The following VWC2 variants were observed in gnomAD, a reference collection of about 807,000 sequenced individuals.
The protein encoded by VWC2 is von Willebrand factor C domain containing 2, also known as brorin.
A neutral mutation model predicts 29.8 loss-of-function variants in VWC2; 14 were observed. The ratio of observed to expected loss-of-function variants is 0.47; its 90% confidence interval spans 0.31 to 0.74. The LOEUF (loss-of-function observed/expected upper bound fraction) is 0.74. Ranked by LOEUF, VWC2 falls within the 30% of genes least tolerant of loss-of-function variation. The probability of loss-of-function intolerance (pLI) is 0.05; values close to 1 mark genes in which losing one functional copy is unlikely to be tolerated. For synonymous variants in VWC2, 213 were observed against 199.0 expected, an observed-to-expected ratio of 1.07 and a Z score of -0.59; for missense variants, 457 against 459.8, an observed-to-expected ratio of 0.99 and a Z score of 0.05.
chr7:49,893,896 G>GA (rs1792251942), intron 3 of VWC2, among the ~76,000 whole-genome samples: 1 of 152,172 alleles, frequency 6.6e-6, no homozygotes, highest in Non-Finnish European at 1.5e-5. Context: ...TCAGAAAATG[G>GA]AAAAAAATTA....
intron 3 of VWC2, among the ~76,000 whole-genome samples, chr7:49,854,136 C>T (rs1444134480): frequency 4.6e-5 from 7 of 152,160 alleles, no homozygotes; most frequent in Middle Eastern, 3.4e-3. Flanking sequence ...TGGGTTGGTT[C>T]CAAGTCTTTG....
intron 3 of VWC2, among the ~76,000 whole-genome samples, chr7:49,846,453 C>T (rs1194643430): frequency 6.6e-6 from 1 of 152,122 alleles, no homozygotes; most frequent in Non-Finnish European, 1.5e-5. Flanking sequence ...AAAGTTCTCC[C>T]TCACTTCCAC....
At chr7:49,890,187 A>C (rs980357165) in intron 3 of VWC2, among the ~76,000 whole-genome samples, 3 of 152,256 alleles carry the variant, frequency 2.0e-5, no homozygotes, top group Non-Finnish European at 4.4e-5. Context: ...ACAACTGCAT[A>C]AGTAGCAAAA....
chr7:49,876,865 G>T (rs141952467), intron 3 of VWC2, among the ~76,000 whole-genome samples: 4 of 151,650 alleles, frequency 2.6e-5, no homozygotes. Flanking sequence ...ATGACACAAC[G>T]CACCGAGATG....
intron 1 of VWC2, 107 bp from the exon 2 acceptor site, chr7:49,775,226 C>G: frequency 3.6e-6 from 1 of 278,352 alleles, no homozygotes; most frequent in South Asian, 1.7e-4. Flanking sequence ...CCGCCCCCGT[C>G]GCCCAGCTCG....
intron 3 of VWC2, among the ~76,000 whole-genome samples, chr7:49,871,538 C>A (rs1791147541): frequency 6.6e-6 from 1 of 151,844 alleles, no homozygotes. Flanking sequence ...TGTCTTTAAG[C>A]AGAAAAACGA....
At chr7:49,785,180 A>G (rs1788267299) in intron 2 of VWC2, among the ~76,000 whole-genome samples, 1 of 151,460 alleles carries the variant, frequency 6.6e-6, no homozygotes, top group African/African-American at 2.5e-5. Flanking sequence ...TAACAGTTGT[A>G]GACTAGATGC....
chr7:49,852,701 C>G (rs1193456768), intron 3 of VWC2, among the ~76,000 whole-genome samples: 1 of 152,134 alleles, frequency 6.6e-6, no homozygotes, highest in African/African-American at 2.4e-5. Flanking sequence ...GGGGACGGGC[C>G]TTGCTCCTAC....
Position 49,775,494 on chromosome 7 carries a change from G to A in VWC2, c.59G>A (p.Cys20Tyr). The A allele has an allele frequency of 2.6e-6, 4 of 1,561,170 alleles. No homozygotes were observed. The highest frequency in any genetic ancestry group is 3.5e-6 in the Non-Finnish European group (4 of 1,159,270). ...CTCTCCAGTTCCCTCCTGGTCACCT[G>A]CTGCCTGATGGTGGCTCTGTGCAGT... is the stretch of plus-strand genomic sequence containing the variant. ...GALSSSLLVT[C>Y]CLMVALCSPS... The change falls in exon 2 of 4, where the codon TGC (cysteine) becomes TAC (tyrosine). Residue 20 changes from cysteine (C) to tyrosine (Y), a missense_variant. Transcript: ENST00000340652.
At chr7:49,799,481 G>A (rs145950151) in intron 2 of VWC2, among the ~76,000 whole-genome samples, 196 of 152,368 alleles carry the variant, frequency 1.3e-3, no homozygotes, top group African/African-American at 4.6e-3. Context: ...GCCACTTGCT[G>A]TCACCAGCCT....
At chr7:49,875,397 A>AAAAAC (rs1791371337) in intron 3 of VWC2, among the ~76,000 whole-genome samples, 1 of 140,714 alleles carries the variant, frequency 7.1e-6, no homozygotes, top group Non-Finnish European at 1.6e-5. Flanking sequence ...AAAAAAAAAA[A>AAAAAC]CAGGAATAAA....
At position 49,920,692 on chromosome 7, in the gene VWC2, A is replaced by G. The variant is rs1265662694; in HGVS notation, c.*8507A>G. 2.0e-5 allele frequency: 3 copies of G among 150,074 alleles called. No individual in the cohort carries two copies. The highest frequency in any genetic ancestry group is 3.0e-5 in the Non-Finnish European group (2 of 67,740). The allele number at this position is 150,074 out of a possible 1,614,324, so 9.3% of individuals were successfully genotyped here. A position where few individuals can be genotyped will look rare whatever the true frequency, so the allele number is the denominator to read the frequency against. ...TAAATATAGCATGAATAAAACACAT[A>G]TGTATTTAATTGTGTTATTTACTAT... On this transcript the variant is annotated 3_prime_UTR_variant, in exon 4 of 4. Coordinates refer to ENST00000340652, the MANE Select transcript of VWC2 (RefSeq NM_198570.5).
At chr7:49,793,508 AC>A (rs1788512523) in intron 2 of VWC2, among the ~76,000 whole-genome samples, 1 of 152,158 alleles carries the variant, frequency 6.6e-6, no homozygotes. Context: ...TGTAAGCAAC[AC>A]CTGTGTGTAC....
intron 3 of VWC2, among the ~76,000 whole-genome samples, chr7:49,833,673 A>C (rs748707262): frequency 1.2e-4 from 18 of 152,162 alleles, no homozygotes; most frequent in South Asian, 2.1e-4. Flanking sequence ...ACATCATCTG[A>C]GAGTGATATT....
intron 3 of VWC2, among the ~76,000 whole-genome samples, chr7:49,874,568 G>A (rs1317222415): frequency 1.3e-5 from 2 of 151,748 alleles, no homozygotes; most frequent in Non-Finnish European, 2.9e-5. Flanking sequence ...GTGTGTGTGT[G>A]TGTATGTATA....
At chr7:49,881,930 C>G (rs1215776552) in intron 3 of VWC2, among the ~76,000 whole-genome samples, 1 of 151,896 alleles carries the variant, frequency 6.6e-6, no homozygotes, top group East Asian at 1.9e-4. Context: ...TTAAAATTTT[C>G]CTTTCCTTTT....
At chr7:49,881,292 G>C (rs1414738907) in intron 3 of VWC2, among the ~76,000 whole-genome samples, 1 of 152,098 alleles carries the variant, frequency 6.6e-6, no homozygotes, top group African/African-American at 2.4e-5. Context: ...TAAATCTTTA[G>C]AGTGCTGCTG....
At chr7:49,837,278 G>A (rs958506902) in intron 3 of VWC2, among the ~76,000 whole-genome samples, 3 of 152,190 alleles carry the variant, frequency 2.0e-5, no homozygotes, top group Non-Finnish European at 2.9e-5. Context: ...ATTGGCTTGA[G>A]GAATAGAACT....
intron 3 of VWC2, among the ~76,000 whole-genome samples, chr7:49,815,920 C>T (rs1317213349): frequency 6.6e-6 from 1 of 152,090 alleles, no homozygotes; most frequent in Non-Finnish European, 1.5e-5. Flanking sequence ...ACTTCCAAAA[C>T]CATAGATTAT....
Sources: allele counts gnomAD v4.1 joint callset (sites outside exome capture counted in the v4.1 genomes callset), GRCh38; gene constraint gnomAD v4.1.1; transcripts MANE v1.5; gene names NCBI Gene and HGNC (gene_info 2026-07-23, HGNC 2026-07-21).